Variants in TCF19 observed in about 807,000 individuals in gnomAD.
The protein encoded by TCF19 is transcription factor 19.
TCF19 carries 9 observed loss-of-function variants against 18.3 expected under a neutral mutation model. That is an observed-to-expected ratio of 0.49 (90% CI 0.30 to 0.86). The LOEUF is 0.86. Among genes scored for constraint, TCF19 ranks in the 40% least tolerant of loss-of-function variants. The probability of loss-of-function intolerance (pLI) is 0.07; values close to 1 mark genes in which losing one functional copy is unlikely to be tolerated. For synonymous variants in TCF19, 176 were observed against 185.3 expected, an observed-to-expected ratio of 0.95 and a Z score of 0.41; for missense variants, 376 against 464.3, an observed-to-expected ratio of 0.81 and a Z score of 1.75.
In TCF19 at chr6:31,161,516, C is replaced by A. The variant is rs899519362; in HGVS notation, c.308C>A (p.Thr103Asn). The A allele has an allele frequency of 1.9e-6, 3 of 1,547,942 alleles. No homozygotes were observed. The highest frequency in any genetic ancestry group is 2.8e-5 in the African/African-American group (2 of 72,164). ...RLELSDGDLL[T>N]FGPEGPPGTS... ...GAATTGAGTGATGGAGACCTCCTGA[C>A]CTTTGGCCCTGAAGGGCCCCCAGGA... The change falls in exon 3 of 4, where the codon ACC (threonine) becomes AAC (asparagine). Residue 103 changes from threonine to asparagine, a missense_variant. Coordinates refer to ENST00000376257, the MANE Select transcript of TCF19 (RefSeq NM_007109.3).
Position 31,159,552 on chromosome 6 carries a change from G to T in TCF19, c.83G>T (p.Gly28Val). Residue 28 changes from glycine to valine, a missense_variant, in exon 2 of 4, where the codon GGC becomes GTC. Physicochemically the swap from Gly to Val is moderately radical, Grantham distance 109. Coordinates refer to ENST00000376257, the MANE Select transcript of TCF19 (RefSeq NM_007109.3). ...LYTFHPPAGA[G>V]CTYRLGHRAD... Reference sequence around the variant, plus strand: ...ACCTTCCACCCCCCCGCCGGGGCTGGCTGCACCTATCGCTTGGGCCACAGG... The same window carrying T: ...ACCTTCCACCCCCCCGCCGGGGCTGTCTGCACCTATCGCTTGGGCCACAGG... 1 of 1,609,832 alleles carries T rather than the reference G, an allele frequency of 6.2e-7. No homozygotes were observed. The highest frequency in any genetic ancestry group is 8.5e-7 in the Non-Finnish European group (1 of 1,178,770).
At position 31,163,790 on chromosome 6, in the gene TCF19, C is replaced by T; in HGVS notation, c.*1073C>T. On this transcript the variant is annotated 3_prime_UTR_variant, in exon 4 of 4. Transcript: ENST00000376257. Reference sequence around the variant, plus strand: ...TGACCTGTTCTATTAAAACCTGCCACACCCGCCCTTTCCTACCTAGATTTA... The same window carrying T: ...TGACCTGTTCTATTAAAACCTGCCATACCCGCCCTTTCCTACCTAGATTTA... 2.0e-6 allele frequency: 2 copies of T among 983,890 alleles called. No homozygotes were observed. Among genetic ancestry groups the T allele is most frequent in the Non-Finnish European group, 2.4e-6 (2 of 829,712 alleles). The allele number at this position is 983,890 out of a possible 1,614,324, so 60.9% of individuals were successfully genotyped here.
Position 31,162,791 on chromosome 6 carries a change from A to AT in TCF19, c.*75dup. The stretch of plus-strand genomic sequence containing the variant: ...AGCAGCGAGCAAATAGGTCTGATAA[A>AT]TACCCCCCTTCCCTTCCCTCCCCAG... On this transcript the variant is annotated 3_prime_UTR_variant, in exon 4 of 4. Coordinates refer to ENST00000376257, the MANE Select transcript of TCF19 (RefSeq NM_007109.3). The surrounding 1 kb of genome is among the most constrained non-coding windows in gnomAD (Gnocchi z 4.5). The AT allele has an allele frequency of 6.4e-7, 1 of 1,552,908 alleles. No homozygotes were observed. Among genetic ancestry groups the AT allele is most frequent in the South Asian group, 1.2e-5 (1 of 82,926 alleles).
In TCF19 at chr6:31,164,012, G is replaced by C; in HGVS notation, c.*1295G>C. The C allele has an allele frequency of 1.0e-6, 1 of 992,908 alleles. No homozygotes were observed. The highest frequency in any genetic ancestry group is 1.2e-6 in the Non-Finnish European group (1 of 834,370). The allele number at this position is 992,908 out of a possible 1,614,324, so 61.5% of individuals were successfully genotyped here. A position where few individuals can be genotyped will look rare whatever the true frequency, so the allele number is the denominator to read the frequency against. On this transcript the variant is annotated 3_prime_UTR_variant, in exon 4 of 4. Transcript: ENST00000376257. Reference sequence around the variant, plus strand: ...ATTAATAGAAGTTTCTGGTTGGGGTGATCTAGGTTCAACAGAAATAAGATG... The same window carrying C: ...ATTAATAGAAGTTTCTGGTTGGGGTCATCTAGGTTCAACAGAAATAAGATG...
Position 31,163,261 on chromosome 6 carries a change from T to C in TCF19, c.*544T>C. On this transcript the variant is annotated 3_prime_UTR_variant, in exon 4 of 4. Transcript: ENST00000376257. ...TTCACTCCTGGGCATTTACTCTTCT[T>C]GTGGGTCTGTGATATTCCTTGCTTT... 1 of 988,584 alleles carries C rather than the reference T, an allele frequency of 1.0e-6. No individual in the cohort carries two copies. The highest frequency in any genetic ancestry group is 1.1e-4 in the East Asian group (1 of 8,888). The allele number at this position is 988,584 out of a possible 1,614,324, so 61.2% of individuals were successfully genotyped here. A position where few individuals can be genotyped will look rare whatever the true frequency, so the allele number is the denominator to read the frequency against.
chr6:31,159,431 G>C lies in TCF19; in HGVS notation c.-39G>C. 6.7e-7 allele frequency: 1 copy of C among 1,490,480 alleles called. No homozygotes were observed. Among genetic ancestry groups the C allele is most frequent in the South Asian group, 1.3e-5 (1 of 78,276 alleles). The allele number at this position is 1,490,480 out of a possible 1,614,324, so 92.3% of individuals were successfully genotyped here. On this transcript the variant is annotated 5_prime_UTR_variant, in exon 2 of 4. An upstream start codon of the reference 5' UTR is lost. Coordinates refer to ENST00000376257, the MANE Select transcript of TCF19 (RefSeq NM_007109.3). Reference sequence around the variant, plus strand: ...CCCAGGAGTGGGAAAGGAAATGGATGCCTGAAGTGGAAGAGGTGGTGCAGA... The same window carrying C: ...CCCAGGAGTGGGAAAGGAAATGGATCCCTGAAGTGGAAGAGGTGGTGCAGA...
At position 31,164,000 on chromosome 6, in the gene TCF19, T is replaced by A. The variant is rs1056683140; in HGVS notation, c.*1283T>A. 47 of 990,508 alleles carry A rather than the reference T, an allele frequency of 4.7e-5. No homozygotes were observed. In the African/African-American group the frequency reaches 8.2e-4, roughly 17 times the overall value. The allele number at this position is 990,508 out of a possible 1,614,324, so 61.4% of individuals were successfully genotyped here. A position where few individuals can be genotyped will look rare whatever the true frequency, so the allele number is the denominator to read the frequency against. ...AAAGCACAAAGTATTAATAGAAGTTTCTGGTTGGGGTGATCTAGGTTCAAC... is the reference window on the plus strand; with the variant it reads ...AAAGCACAAAGTATTAATAGAAGTTACTGGTTGGGGTGATCTAGGTTCAAC... On this transcript the variant is annotated 3_prime_UTR_variant, in exon 4 of 4. Transcript: ENST00000376257.
chr6:31,159,748 A>T, intron 2 of TCF19, 41 bp downstream of exon 2: 1 of 1,605,874 alleles, frequency 6.2e-7, no homozygotes, highest in Non-Finnish European at 8.5e-7. Flanking sequence ...GGGTGGTTGA[A>T]GCGCCAGGCT....
rs984337413 is a variant in TCF19, at chr6:31,162,797, C to G, written c.*80C>G. ...GAGCAAATAGGTCTGATAAATACCC[C>G]CCTTCCCTTCCCTCCCCAGGAGGGA... On this transcript the variant is annotated 3_prime_UTR_variant, in exon 4 of 4. Coordinates refer to ENST00000376257, the MANE Select transcript of TCF19 (RefSeq NM_007109.3). This position sits in a 1 kb window ranked among gnomAD's most constrained non-coding sequence, Gnocchi z 4.5. 2.7e-5 allele frequency: 42 copies of G among 1,528,206 alleles called. 1 individual carries two copies. The South Asian group carries it at 4.4e-4, about 16-fold the overall frequency. The allele number at this position is 1,528,206 out of a possible 1,614,324, so 94.7% of individuals were successfully genotyped here. A position where few individuals can be genotyped will look rare whatever the true frequency, so the allele number is the denominator to read the frequency against.
Position 31,161,986 on chromosome 6 carries a change from G to T in TCF19, c.778G>T (p.Ala260Ser). ...CAGGAAGAAACTCCGTGTAGACAAA[G>T]CCCCACTGACTCCCACTGGGTAAGT... The part of the protein sequence containing the change: ...EPRKKLRVDK[A>S]PLTPTGNRRG... The change falls in exon 3 of 4, where the codon GCC (alanine) becomes TCC (serine). Residue 260 changes from alanine (A) to serine (S), a missense_variant. Transcript: ENST00000376257. 6.2e-7 allele frequency: 1 copy of T among 1,610,162 alleles called. No individual in the cohort carries two copies. Among genetic ancestry groups the T allele is most frequent in the East Asian group, 2.2e-5 (1 of 44,818 alleles).
chr6:31,159,784 C>G, intron 2 of TCF19, 77 bp downstream of exon 2: 1 of 1,446,474 alleles, frequency 6.9e-7, no homozygotes, highest in South Asian at 1.2e-5. Flanking sequence ...TCCACAAGAC[C>G]CTGCTGCCTG....
rs1348121239 is a variant in TCF19 at position 31,163,679 on chromosome 6, A to ATGG, written c.*964_*966dup. 1.0e-6 allele frequency: 1 copy of ATGG among 985,366 alleles called. No homozygotes were observed. The highest frequency in any genetic ancestry group is 1.7e-5 in the African/African-American group (1 of 57,236). 61.0% of individuals were successfully genotyped at this position (985,366 alleles called of 1,614,324 possible). A position where few individuals can be genotyped will look rare whatever the true frequency, so the allele number is the denominator to read the frequency against. ...GTGAATCAAACCGCTTAACCCACAC[A>ATGG]TGGTACATGTGATTTTCTTTTGTGA... On this transcript the variant is annotated 3_prime_UTR_variant, in exon 4 of 4. Transcript: ENST00000376257.
At chr6:31,160,368 G>A (rs912532234) in intron 2 of TCF19, among the ~76,000 whole-genome samples, 5 of 152,184 alleles carry the variant, frequency 3.3e-5, no homozygotes, top group African/African-American at 1.2e-4. Flanking sequence ...AGCACTTTGG[G>A]AGGCTAAGGC....
rs765587830 is a variant in TCF19, at chr6:31,161,903, C to T, written c.695C>T (p.Ala232Val). The T allele has an allele frequency of 1.9e-6, 3 of 1,612,862 alleles. No homozygotes were observed. The highest frequency in any genetic ancestry group is 2.7e-5 in the African/African-American group (2 of 74,928). Residue 232 changes from alanine (A) to valine (V), a missense_variant, in exon 3 of 4, where the codon GCG becomes GTG. Transcript: ENST00000376257. ...AGGAAATCTGTTCACCGAGTGTTGG[C>T]GGAACTGGATGATGAGAGTGAGCCT... ...NRRKSVHRVL[A>V]ELDDESEPPE... is the part of the protein sequence containing the mutation.
rs1776783527 is a variant in TCF19, at chr6:31,161,623, T to C, written c.415T>C (p.Ser139Pro). 1 of 1,554,756 alleles carries C rather than the reference T, an allele frequency of 6.4e-7. No individual in the cohort carries two copies. Among genetic ancestry groups the C allele is most frequent in the Non-Finnish European group, 8.7e-7 (1 of 1,153,146 alleles). ...QDFAAITIPR[S>P]RGEARVGAGF... ...CTTTGCTGCCATTACCATCCCACGG[T>C]CTAGGGGAGAAGCCCGGGTTGGGGC... The change falls in exon 3 of 4, where the codon TCT (serine) becomes CCT (proline). Residue 139 changes from serine to proline, a missense_variant. By Grantham distance (74) the Ser-to-Pro change is moderately conservative. Transcript: ENST00000376257.
rs1334237577 is a variant in TCF19 at position 31,159,721 on chromosome 6, A to G, written c.238+14A>G. 6.2e-7 allele frequency: 1 copy of G among 1,613,322 alleles called. No homozygotes were observed. Among genetic ancestry groups the G allele is most frequent in the Non-Finnish European group, 8.5e-7 (1 of 1,179,494 alleles). On this transcript the variant is annotated intron_variant, in intron 2 of 3. Coordinates refer to ENST00000376257, the MANE Select transcript of TCF19 (RefSeq NM_007109.3). ...ACAGCAGCCAAGGTGAGCATTAAGCAGGGCAGCTTTGCCCCTGGGTGGTTG... is the reference window on the plus strand; with the variant it reads ...ACAGCAGCCAAGGTGAGCATTAAGCGGGGCAGCTTTGCCCCTGGGTGGTTG...
Position 31,161,856 on chromosome 6 carries a change from T to G in TCF19, c.648T>G (p.Ser216=). The G allele has an allele frequency of 6.2e-7, 1 of 1,613,032 alleles. No homozygotes were observed. Among genetic ancestry groups the G allele is most frequent in the Non-Finnish European group, 8.5e-7 (1 of 1,179,990 alleles). The change falls in exon 3 of 4, where the codon TCT becomes TCG. Residue 216 remains serine (S), a synonymous_variant. Coordinates refer to ENST00000376257, the MANE Select transcript of TCF19 (RefSeq NM_007109.3). The stretch of plus-strand genomic sequence containing the variant: ...CTGGGGAAATGGGGACCACGCCTTC[T>G]GCTCCACCACAACGCAATCGGAGGA... The part of the protein sequence containing the change: ...APPGEMGTTP[S]APPQRNRRKS...
At position 31,161,586 on chromosome 6, in the gene TCF19, C is replaced by A. The variant is rs1776780419; in HGVS notation, c.378C>A (p.Val126=). The change falls in exon 3 of 4, where the codon GTC becomes GTA. Residue 126 remains valine, a synonymous_variant. Transcript: ENST00000376257. ...EFYFMFQQVR[V]KPQDFAAITI... ...ACTTCATGTTCCAACAAGTACGAGT[C>A]AAGCCTCAGGACTTTGCTGCCATTA... 2 of 1,594,994 alleles carry A rather than the reference C, an allele frequency of 1.3e-6. No individual in the cohort carries two copies. Among genetic ancestry groups the A allele is most frequent in the Admixed American group, 1.8e-5 (1 of 56,246 alleles).
In TCF19 at chr6:31,162,868, C is replaced by T. The variant is rs1776897030; in HGVS notation, c.*151C>T. On this transcript the variant is annotated 3_prime_UTR_variant, in exon 4 of 4. Transcript: ENST00000376257. The surrounding 1 kb of genome is among the most constrained non-coding windows in gnomAD (Gnocchi z 4.5). ...TGGATTGATGTGGACTCATTCAGGGCCTGGAGCAGACCCTGGTGGCCAAGA... is the reference window on the plus strand; with the variant it reads ...TGGATTGATGTGGACTCATTCAGGGTCTGGAGCAGACCCTGGTGGCCAAGA... 7.0e-7 allele frequency: 1 copy of T among 1,432,306 alleles called. No homozygotes were observed. Among genetic ancestry groups the T allele is most frequent in the African/African-American group, 1.4e-5 (1 of 69,738 alleles). 88.7% of individuals were successfully genotyped at this position (1,432,306 alleles called of 1,614,324 possible).
Sources: allele counts gnomAD v4.1 joint callset (sites outside exome capture counted in the v4.1 genomes callset), GRCh38; gene constraint gnomAD v4.1.1; non-coding constraint Gnocchi (gnomAD v3.1); transcripts MANE v1.5; gene names NCBI Gene and HGNC (gene_info 2026-07-23, HGNC 2026-07-21).